Variants in KLF12 observed in about 807,000 individuals in gnomAD.
KLF12 encodes the protein KLF transcription factor 12.
KLF12 carries 9 observed loss-of-function variants against 37.8 expected under a neutral mutation model. The ratio of observed to expected loss-of-function variants is 0.24; its 90% CI spans 0.14 to 0.42. The LOEUF (loss-of-function observed/expected upper bound fraction) is 0.42. Among genes scored for constraint, KLF12 ranks in the 10% least tolerant of loss-of-function variants. KLF12 has a pLI of 1.00. For missense variants in KLF12, 411 were observed against 516.0 expected, an observed-to-expected ratio of 0.80 and a Z score of 1.97; for synonymous variants, 208 against 202.1, an observed-to-expected ratio of 1.03 and a Z score of -0.25.
At chr13:74,162,972 G>A in the KLF12 span, among the ~76,000 whole-genome samples, 1 of 152,144 alleles carries the variant, frequency 6.6e-6, no homozygotes, top group Non-Finnish European at 1.5e-5. Flanking sequence ...ATGTTAAGAA[G>A]AGAAAGTGGA....
chr13:74,121,856 T>G (rs1018269246), intron 1 of KLF12, among the ~76,000 whole-genome samples: 5 of 151,980 alleles, frequency 3.3e-5, no homozygotes, highest in African/African-American at 1.2e-4. Context: ...AATGTGAAAT[T>G]TATATTCTCT....
At chr13:74,161,147 T>C in the KLF12 span, among the ~76,000 whole-genome samples, 1 of 151,488 alleles carries the variant, frequency 6.6e-6, no homozygotes, top group Admixed American at 6.6e-5. Flanking sequence ...TAGGGGGATT[T>C]GAGAAAGGTG....
At chr13:74,038,823 T>A (rs1041035687) in intron 1 of KLF12, among the ~76,000 whole-genome samples, 1 of 152,126 alleles carries the variant, frequency 6.6e-6, no homozygotes, top group Admixed American at 6.5e-5. Flanking sequence ...TTAAGATACA[T>A]CTTTGGAAAT....
the KLF12 span, among the ~76,000 whole-genome samples, chr13:74,287,387 A>AGAGAGAGAGG: frequency 6.6e-6 from 1 of 151,594 alleles, no homozygotes; most frequent in East Asian, 1.9e-4. Context: ...AGAGAGAGAG[A>AGAGAGAGAGG]GAGAGAGAAT....
At chr13:73,856,895 G>C (rs1216323937) in intron 3 of KLF12, among the ~76,000 whole-genome samples, 1 of 152,118 alleles carries the variant, frequency 6.6e-6, no homozygotes, top group Non-Finnish European at 1.5e-5. Context: ...GCTAAGGCAT[G>C]AGAATCACTT....
chr13:73,924,573 C>T (rs1889289046), intron 3 of KLF12, among the ~76,000 whole-genome samples: 1 of 152,116 alleles, frequency 6.6e-6, no homozygotes, highest in African/African-American at 2.4e-5. Flanking sequence ...CTTTCCATCT[C>T]CTCCAGCCCC....
chr13:73,908,139 A>G lies in KLF12; in HGVS notation c.123+35842T>C, dbSNP rs1402748819. On this transcript the variant is annotated intron_variant, in intron 3 of 7. Transcript: ENST00000377669. ...TGCTTCCGGCCAGGCGCAGTGACTC[A>G]GGCCTGTAATCCCAGCACTCTGGGA... 2.0e-5 allele frequency among the ~76,000 whole-genome samples: 3 copies of G among 152,222 alleles called. No homozygotes were observed. In the East Asian group the frequency reaches 5.8e-4, roughly 30 times the overall value.
At chr13:74,275,862 CTTTCT>C in the KLF12 span, among the ~76,000 whole-genome samples, 411 of 104,696 alleles carry the variant, frequency 3.9e-3, 5 homozygotes, top group African/African-American at 0.015. Flanking sequence ...TTCTTTCTTT[CTTTCT>C]ATCTTTCTTT....
At chr13:74,110,982 G>A (rs769780639) in intron 1 of KLF12, among the ~76,000 whole-genome samples, 46 of 151,886 alleles carry the variant, frequency 3.0e-4, no homozygotes, top group Middle Eastern at 3.4e-3. Flanking sequence ...GTGAAACCCC[G>A]TCTCCACTAA....
chr13:74,227,851 G>C, the KLF12 span, among the ~76,000 whole-genome samples: 1 of 152,062 alleles, frequency 6.6e-6, no homozygotes, highest in Non-Finnish European at 1.5e-5. Context: ...ACCAAATGAG[G>C]TTTTGGGTTG....
chr13:74,078,188 T>A (rs1874676367), intron 1 of KLF12, among the ~76,000 whole-genome samples: 1 of 152,180 alleles, frequency 6.6e-6, no homozygotes, highest in Non-Finnish European at 1.5e-5. Context: ...TGGATCTTAA[T>A]CAGGAGGAGT....
At chr13:74,147,200 G>A in the KLF12 span, among the ~76,000 whole-genome samples, 3 of 152,000 alleles carry the variant, frequency 2.0e-5, no homozygotes, top group African/African-American at 7.2e-5. Flanking sequence ...ACATAGTTCA[G>A]ACATTGTTCC....
chr13:73,705,197 A>G (rs578237067), intron 7 of KLF12, among the ~76,000 whole-genome samples: 1 of 152,250 alleles, frequency 6.6e-6, no homozygotes, highest in Non-Finnish European at 1.5e-5. Flanking sequence ...CATTTAAAAT[A>G]TATCTCTTAC....
At chr13:74,134,689 C>T (rs1341636765), upstream of KLF12, among the ~76,000 whole-genome samples, 2 of 151,990 alleles carry the variant, frequency 1.3e-5, no homozygotes, top group Non-Finnish European at 2.9e-5. Flanking sequence ...GGGCTTGCGG[C>T]GGGAGGGACC....
intron 2 of KLF12, chr13:73,962,142 G>A: frequency 2.8e-6 from 1 of 351,010 alleles, no homozygotes; most frequent in Admixed American, 3.8e-5. Flanking sequence ...ATCAGCAATA[G>A]AAAGAAATTA....
chr13:74,115,241 C>T (rs1877222692), intron 1 of KLF12, among the ~76,000 whole-genome samples: 1 of 152,054 alleles, frequency 6.6e-6, no homozygotes, highest in Non-Finnish European at 1.5e-5. Context: ...TAGCAAAGAC[C>T]TTATAACCAC....
chr13:73,989,332 A>G (rs1441110044), intron 2 of KLF12, among the ~76,000 whole-genome samples: 1 of 152,240 alleles, frequency 6.6e-6, no homozygotes, highest in African/African-American at 2.4e-5. Flanking sequence ...AGAATTTCCT[A>G]AAAGTAAAAA....
chr13:73,781,276 C>A (rs965032999), intron 5 of KLF12, among the ~76,000 whole-genome samples: 1 of 152,192 alleles, frequency 6.6e-6, no homozygotes, highest in Admixed American at 6.5e-5. Flanking sequence ...CTTTTATATG[C>A]ACTGGGAAAC....
chr13:73,947,705 T>C (rs1035422975), intron 2 of KLF12, among the ~76,000 whole-genome samples: 7 of 148,298 alleles, frequency 4.7e-5, no homozygotes, highest in Admixed American at 2.0e-4. Flanking sequence ...ACATTCGCTC[T>C]CCCTGTCAAA....
Sources: allele counts gnomAD v4.1 joint callset (sites outside exome capture counted in the v4.1 genomes callset), GRCh38; gene constraint gnomAD v4.1.1; transcripts MANE v1.5; gene names NCBI Gene and HGNC (gene_info 2026-07-23, HGNC 2026-07-21).